The following EFR3A variants were observed in gnomAD, a reference collection of about 807,000 sequenced individuals.
The protein encoded by EFR3A is EFR3 homolog A.
EFR3A carries 76 observed loss-of-function variants against 104.4 expected under a neutral mutation model. The ratio of observed to expected loss-of-function variants is 0.73; its 90% CI spans 0.60 to 0.88. The LOEUF (loss-of-function observed/expected upper bound fraction) is 0.88, where lower values mean the gene tolerates loss of function less well. Among genes scored for constraint, EFR3A ranks in the 40% least tolerant of loss-of-function variants. The pLI, the probability that EFR3A is intolerant of heterozygous loss-of-function variation, is 0.00. For missense variants in EFR3A, 985 were observed against 1,012.5 expected (o/e 0.97, Z 0.37); for synonymous variants, 330 against 330.0 (o/e 1.00, Z 0.00).
chr8:131,944,767 T>G lies in EFR3A; in HGVS notation c.110T>G (p.Met37Arg), dbSNP rs757875404. 1 of 1,600,398 alleles carries G rather than the reference T, an allele frequency of 6.2e-7. No homozygotes were observed. Among genetic ancestry groups the G allele is most frequent in the Non-Finnish European group, 8.5e-7 (1 of 1,173,736 alleles). ...DPKDGLVKTD[M>R]EKLTFYAVSA... Reference sequence around the variant, plus strand: ...TAGGATGGCCTTGTGAAAACTGATATGGAGAAATTGACATTTTATGCAGTA... The same window carrying G: ...TAGGATGGCCTTGTGAAAACTGATAGGGAGAAATTGACATTTTATGCAGTA... Residue 37 changes from methionine to arginine, a missense_variant, in exon 3 of 23, where the codon ATG (methionine) becomes AGG (arginine). Physicochemically the swap from Met to Arg is moderately conservative, Grantham distance 91. Transcript: ENST00000254624.
intron 2 of EFR3A, among the ~76,000 whole-genome samples, chr8:131,943,272 G>C (rs1416438897): frequency 6.6e-6 from 1 of 152,030 alleles, no homozygotes; most frequent in Non-Finnish European, 1.5e-5. Flanking sequence ...CTTATTTTTA[G>C]CAGTGTCTTC....
intron 18 of EFR3A, among the ~76,000 whole-genome samples, chr8:131,991,305 G>A (rs1821168778): frequency 6.6e-6 from 1 of 152,174 alleles, no homozygotes; most frequent in Non-Finnish European, 1.5e-5. Context: ...GAATTCTTCA[G>A]ATGCAATTCA....
intron 1 of EFR3A, among the ~76,000 whole-genome samples, chr8:131,927,671 C>G (rs780104693): frequency 6.6e-6 from 1 of 151,956 alleles, no homozygotes; most frequent in East Asian, 1.9e-4. Context: ...TTTTTAGGAA[C>G]CATAACGTGT....
intron 22 of EFR3A, among the ~76,000 whole-genome samples, chr8:132,010,404 T>TGA (rs1491281104): frequency 1.9e-5 from 1 of 51,680 alleles, no homozygotes; most frequent in Non-Finnish European, 3.5e-5. Flanking sequence ...AAATCAAGTA[T>TGA]GAGATATATA....
chr8:131,910,229 G>C (rs72728672), intron 1 of EFR3A, among the ~76,000 whole-genome samples: 3,417 of 152,312 alleles, frequency 0.022, 74 homozygotes, highest in Non-Finnish European at 0.032. Context: ...TCTGACTCTA[G>C]GTGACATGGA....
intron 10 of EFR3A, among the ~76,000 whole-genome samples, chr8:131,973,035 G>A (rs769078674): frequency 6.8e-6 from 1 of 147,728 alleles, no homozygotes; most frequent in Non-Finnish European, 1.5e-5. Flanking sequence ...TGTGTGGAGT[G>A]GTACCTCTGT....
chr8:131,951,423 T>C (rs936761153), intron 5 of EFR3A, among the ~76,000 whole-genome samples: 1 of 152,120 alleles, frequency 6.6e-6, no homozygotes, highest in African/African-American at 2.4e-5. Flanking sequence ...AATTTTTCTC[T>C]CTCTAAAGGA....
intron 19 of EFR3A, among the ~76,000 whole-genome samples, chr8:132,000,566 T>G (rs1275752960): frequency 6.6e-6 from 1 of 152,202 alleles, no homozygotes; most frequent in Admixed American, 6.5e-5. Flanking sequence ...TAAGTAAAAA[T>G]TATATGTATC....
chr8:131,912,356 AAAG>A (rs945330931), intron 1 of EFR3A, among the ~76,000 whole-genome samples: 5 of 152,206 alleles, frequency 3.3e-5, no homozygotes, highest in Non-Finnish European at 4.4e-5. Context: ...AAATAGGAAA[AAAG>A]ATATTATTTA....
intron 14 of EFR3A, among the ~76,000 whole-genome samples, chr8:131,980,828 C>T: frequency 6.6e-6 from 1 of 152,034 alleles, no homozygotes; most frequent in East Asian, 1.9e-4. Context: ...TCCTCGCTTT[C>T]AGGCCCCAGC....
intron 10 of EFR3A, among the ~76,000 whole-genome samples, chr8:131,972,711 T>C (rs1820135236): frequency 6.6e-6 from 1 of 152,150 alleles, no homozygotes; most frequent in Non-Finnish European, 1.5e-5. Context: ...TGGGGTCTAG[T>C]ACCTAATTTC....
intron 14 of EFR3A, 91 bp from the exon 15 acceptor site, chr8:131,984,048 C>T (rs1820748615): frequency 1.9e-6 from 2 of 1,073,602 alleles, no homozygotes; most frequent in Non-Finnish European, 2.5e-6. Context: ...TATATAATAA[C>T]ATAGCTACAC....
Position 131,904,337 on chromosome 8 carries a change from G to C in EFR3A, c.10+15G>C, listed in dbSNP as rs1389668009. On this transcript the variant is annotated intron_variant, in intron 1 of 22. Coordinates refer to ENST00000254624, the MANE Select transcript of EFR3A (RefSeq NM_015137.6). ...CATGCCTACCCGTGAGTGGCCGGCCGAGGGCCGGGGGCGTTGGGAGGCGAC... is the reference window on the plus strand; with the variant it reads ...CATGCCTACCCGTGAGTGGCCGGCCCAGGGCCGGGGGCGTTGGGAGGCGAC... 7.2e-6 allele frequency: 9 copies of C among 1,250,690 alleles called. No individual in the cohort carries two copies. The African/African-American group carries it at 9.3e-5, about 13-fold the overall frequency. 77.5% of individuals were successfully genotyped at this position (1,250,690 alleles called of 1,614,324 possible).
chr8:131,967,691 A>G (rs1423774755), intron 8 of EFR3A, among the ~76,000 whole-genome samples: 2 of 151,878 alleles, frequency 1.3e-5, no homozygotes, highest in Non-Finnish European at 2.9e-5. Flanking sequence ...TATATGTGAT[A>G]AAGTTGCCTT....
At chr8:132,009,225 A>C (rs1822198710) in intron 22 of EFR3A, among the ~76,000 whole-genome samples, 2 of 152,244 alleles carry the variant, frequency 1.3e-5, no homozygotes, top group East Asian at 3.9e-4. Context: ...GAAGTATATA[A>C]GACTTACATG....
At chr8:131,969,523 TGTTTTTTTTTTTTATCGTGG>T (rs1337797560) in intron 9 of EFR3A, among the ~76,000 whole-genome samples, 1 of 149,404 alleles carries the variant, frequency 6.7e-6, no homozygotes, top group Non-Finnish European at 1.5e-5. Flanking sequence ...TATTTGTGTG[TGTTTTTTTTTTTTATCGTGG>T]GTTTTTTTTT....
intron 11 of EFR3A, among the ~76,000 whole-genome samples, chr8:131,976,612 A>G (rs1327286491): frequency 6.6e-6 from 1 of 152,100 alleles, no homozygotes; most frequent in African/African-American, 2.4e-5. Flanking sequence ...TAAGGAAGTA[A>G]TAGTATCTTA....
rs766690879 is a variant in EFR3A, at chr8:131,955,784, T to C, written c.655T>C (p.Ser219Pro). ...EEVDSRIGPP[S>P]SPSATDKEEN... is the part of the protein sequence containing the mutation. ...CCTTTTTAGTCGCATAGGCCCTCCT[T>C]CTTCTCCTTCTGCAACTGACAAAGA... is the stretch of plus-strand genomic sequence containing the variant. Residue 219 changes from serine to proline, a missense_variant, in exon 7 of 23, where the codon TCT becomes CCT. Coordinates refer to ENST00000254624, the MANE Select transcript of EFR3A (RefSeq NM_015137.6). 54 of 1,612,800 alleles carry C rather than the reference T, an allele frequency of 3.3e-5. No homozygotes were observed. Among genetic ancestry groups the C allele is most frequent in the East Asian group, 4.5e-5 (2 of 44,858 alleles).
Position 131,984,198 on chromosome 8 carries a change from G to A in EFR3A, c.1635G>A (p.Gln545=). Residue 545 remains glutamine, a synonymous_variant, in exon 15 of 23, where the codon CAG becomes CAA. Coordinates refer to ENST00000254624, the MANE Select transcript of EFR3A (RefSeq NM_015137.6). ...GTTGTAAAGAGGAAGACAACGTTCAGAAAAACTATGAACTACTTTATACTT... is the reference window on the plus strand; with the variant it reads ...GTTGTAAAGAGGAAGACAACGTTCAAAAAAACTATGAACTACTTTATACTT... The part of the protein sequence containing the change: ...YLGCKEEDNV[Q]KNYELLYTSL... The A allele has an allele frequency of 6.2e-7, 1 of 1,612,258 alleles. No homozygotes were observed. Among genetic ancestry groups the A allele is most frequent in the Non-Finnish European group, 8.5e-7 (1 of 1,179,054 alleles).
Sources: gnomAD v4.1 joint callset for allele counts (sites outside exome capture counted in the v4.1 genomes callset) on GRCh38, gnomAD v4.1.1 for gene constraint, MANE v1.5 for transcripts, NCBI Gene and HGNC (gene_info 2026-07-23, HGNC 2026-07-21) for gene names.